The following CLUAP1 variants were observed in gnomAD, a reference collection of about 807,000 sequenced individuals.
CLUAP1 encodes intraflagellar transport 38.
CLUAP1 carries 50 observed loss-of-function variants against 55.0 expected under a neutral mutation model. The observed-to-expected ratio is 0.91, with a 90% CI of 0.72 to 1.15. CLUAP1 has a LOEUF of 1.15. Among genes scored for constraint, CLUAP1 ranks in the 50% most tolerant of loss-of-function variants. The probability of loss-of-function intolerance (pLI) is 0.00; values close to 1 mark genes in which losing one functional copy is unlikely to be tolerated. For missense variants in CLUAP1, 530 were observed against 507.6 expected (o/e 1.04, Z -0.42); for synonymous variants, 195 against 175.4 (o/e 1.11, Z -0.88).
chr16:3,518,149 T>G lies in CLUAP1; in HGVS notation c.580-1754T>G, dbSNP rs369506485. Among the ~76,000 whole-genome samples, 5 of 152,316 alleles carry G rather than the reference T, an allele frequency of 3.3e-5. No individual in the cohort carries two copies. The South Asian group carries it at 1.0e-3, about 32-fold the overall frequency. ...GGTCAGCAACTTACTGTCACCTAGG[T>G]TGGGAAAAACGCTTTGTGTTGTACA... On this transcript the variant is annotated intron_variant, in intron 6 of 11. Coordinates refer to ENST00000576634, the MANE Select transcript of CLUAP1 (RefSeq NM_015041.3).
chr16:3,514,445 C>A (rs1444572427), intron 5 of CLUAP1, among the ~76,000 whole-genome samples: 1 of 152,172 alleles, frequency 6.6e-6, no homozygotes, highest in East Asian at 1.9e-4. Flanking sequence ...TGAGCTCTGC[C>A]TCCTTGACTA....
intron 8 of CLUAP1, among the ~76,000 whole-genome samples, chr16:3,523,859 G>A (rs2037887596): frequency 2.0e-5 from 3 of 152,096 alleles, no homozygotes; most frequent in Admixed American, 6.6e-5. Context: ...CCAGCTACTC[G>A]GCAGGCTGAG....
At chr16:3,507,816 T>G (rs1195643695) in intron 3 of CLUAP1, among the ~76,000 whole-genome samples, 1 of 152,094 alleles carries the variant, frequency 6.6e-6, no homozygotes, top group Non-Finnish European at 1.5e-5. Flanking sequence ...GCATCTTGCT[T>G]TACTTAATGG....
At chr16:3,536,010 C>T (rs1324272122) in intron 11 of CLUAP1, 112 bp from the exon 12 acceptor site, 1 of 1,309,834 alleles carries the variant, frequency 7.6e-7, no homozygotes, top group Admixed American at 2.1e-5. Context: ...ACTCTGCCAG[C>T]CTCTTCCTTC....
chr16:3,532,202 C>T (rs1023043939), intron 10 of CLUAP1, among the ~76,000 whole-genome samples: 4 of 152,164 alleles, frequency 2.6e-5, no homozygotes, highest in Admixed American at 6.5e-5. Context: ...ATTTACTGGG[C>T]GTTCTCGCAT....
At chr16:3,528,955 G>C (rs117606787) in intron 9 of CLUAP1, among the ~76,000 whole-genome samples, 2 of 152,122 alleles carry the variant, frequency 1.3e-5, no homozygotes, top group South Asian at 4.2e-4. Context: ...AGTCTGTTTT[G>C]TGCTGCTGTA....
intron 9 of CLUAP1, among the ~76,000 whole-genome samples, chr16:3,527,219 A>T (rs1237959584): frequency 3.9e-5 from 6 of 152,166 alleles, no homozygotes; most frequent in African/African-American, 1.4e-4. Context: ...GATCATAGAT[A>T]TGATTATATA....
intron 6 of CLUAP1, among the ~76,000 whole-genome samples, chr16:3,516,758 A>T (rs1035339117): frequency 2.0e-5 from 3 of 152,234 alleles, no homozygotes; most frequent in Non-Finnish European, 2.9e-5. Flanking sequence ...TACATTTCTT[A>T]GCTCTGAGCA....
At chr16:3,513,439 T>G (rs1281297057) in intron 5 of CLUAP1, among the ~76,000 whole-genome samples, 1 of 152,086 alleles carries the variant, frequency 6.6e-6, no homozygotes, top group Non-Finnish European at 1.5e-5. Context: ...TGGTGTTTAT[T>G]TTTTATTTTT....
At chr16:3,523,435 C>A in intron 8 of CLUAP1, 136 bp downstream of exon 8, 1 of 1,044,014 alleles carries the variant, frequency 9.6e-7, no homozygotes, top group Non-Finnish European at 1.4e-6. Flanking sequence ...CTGAGGATTG[C>A]TCATGTAATG....
chr16:3,496,315 A>G (rs2151033710), upstream of CLUAP1: 1 of 1,052,380 alleles, frequency 9.5e-7, no homozygotes, highest in South Asian at 1.2e-5. Context: ...TACCGTCCAG[A>G]CGAACTAACT....
chr16:3,529,667 TTATTATATATTATATATTATTATA>T (rs1567439976), intron 9 of CLUAP1, among the ~76,000 whole-genome samples: 24 of 12,164 alleles, frequency 2.0e-3, no homozygotes, highest in African/African-American at 5.6e-3. Flanking sequence ...ATATTATATA[TTATTATATATTATATATTATTATA>T]TATTATATAT....
chr16:3,515,722 A>G, intron 6 of CLUAP1, 131 bp downstream of exon 6: 1 of 521,014 alleles, frequency 1.9e-6, no homozygotes, highest in South Asian at 3.7e-5. Flanking sequence ...TGAAAAACTC[A>G]AGAGGACATT....
At chr16:3,502,900 C>A (rs1421761883) in intron 1 of CLUAP1, among the ~76,000 whole-genome samples, 1 of 152,220 alleles carries the variant, frequency 6.6e-6, no homozygotes, top group Non-Finnish European at 1.5e-5. Context: ...AATAACACCG[C>A]AGCATTAACA....
At chr16:3,500,772 AG>A (rs1302286097), upstream of CLUAP1, among the ~76,000 whole-genome samples, 2 of 152,254 alleles carry the variant, frequency 1.3e-5, no homozygotes, top group Non-Finnish European at 2.9e-5. Flanking sequence ...CCTGTCACCC[AG>A]CGCGAAACGT....
intron 1 of CLUAP1, among the ~76,000 whole-genome samples, chr16:3,503,698 G>A (rs549524039): frequency 1.3e-5 from 2 of 152,162 alleles, no homozygotes; most frequent in East Asian, 1.9e-4. Flanking sequence ...CCAGGTGATC[G>A]TCCCACCTCA....
rs2151057232 is a variant in CLUAP1, at chr16:3,519,983, A to G, written c.660A>G (p.Arg220=). 1.2e-6 allele frequency: 2 copies of G among 1,613,874 alleles called. No individual in the cohort carries two copies. The highest frequency in any genetic ancestry group is 1.6e-4 in the Middle Eastern group (1 of 6,062). The stretch of plus-strand genomic sequence containing the variant: ...ATTTAGAAGCCAAAATCGAAAAGAG[A>G]AAATTAGAACTGGAAAGAAATCGGA... ...EANLEAKIEK[R]KLELERNRKR... The change falls in exon 7 of 12, where the codon AGA becomes AGG. Residue 220 remains arginine (R), a synonymous_variant. Transcript: ENST00000576634.
At chr16:3,536,079 T>G (rs748089462) in intron 11 of CLUAP1, 43 bp from the exon 12 acceptor site, 2 of 1,603,898 alleles carry the variant, frequency 1.2e-6, no homozygotes, top group South Asian at 2.2e-5. Flanking sequence ...ATGTCAGGAA[T>G]GAGGCAGGAT....
intron 1 of CLUAP1, among the ~76,000 whole-genome samples, chr16:3,501,565 C>T (rs1170362620): frequency 3.3e-5 from 5 of 152,028 alleles, no homozygotes; most frequent in East Asian, 3.9e-4. Flanking sequence ...GGCGAATCAC[C>T]TGAGGTCGGG....
Sources: gnomAD v4.1 joint callset for allele counts (sites outside exome capture counted in the v4.1 genomes callset) on GRCh38, gnomAD v4.1.1 for gene constraint, MANE v1.5 for transcripts, NCBI Gene and HGNC (gene_info 2026-07-23, HGNC 2026-07-21) for gene names.